The following PTPRG variants were observed in gnomAD, a reference collection of about 807,000 sequenced individuals.
PTPRG encodes the protein protein tyrosine phosphatase receptor type G.
PTPRG carries 102 observed loss-of-function variants against 165.3 expected under a neutral mutation model. The ratio of observed to expected loss-of-function variants is 0.62; its 90% CI spans 0.53 to 0.73. The LOEUF (loss-of-function observed/expected upper bound fraction) is 0.73, where lower values mean the gene tolerates loss of function less well. Among genes scored for constraint, PTPRG ranks in the 30% least tolerant of loss-of-function variants. PTPRG has a pLI of 0.00. For missense variants in PTPRG, 1,866 were observed against 1,861.4 expected (o/e 1.00, Z -0.05); for synonymous variants, 675 against 669.5 (o/e 1.01, Z -0.13).
intron 6 of PTPRG, among the ~76,000 whole-genome samples, chr3:62,143,554 CTTTTTT>C (rs372744091): frequency 7.2e-6 from 1 of 138,886 alleles, no homozygotes; most frequent in Non-Finnish European, 1.6e-5. Flanking sequence ...CATGAAGAAT[CTTTTTT>C]TTTTTTTTTT....
intron 4 of PTPRG, among the ~76,000 whole-genome samples, chr3:62,033,085 G>T (rs1338529557): frequency 1.3e-5 from 2 of 152,094 alleles, no homozygotes; most frequent in African/African-American, 4.8e-5. Flanking sequence ...ATATGTGTGT[G>T]ACCCGGCTCC....
chr3:61,952,498 A>G (rs966177754), intron 2 of PTPRG, among the ~76,000 whole-genome samples: 8 of 152,342 alleles, frequency 5.3e-5, no homozygotes, highest in Admixed American at 1.3e-4. Context: ...AGGCAACTTC[A>G]TAATGGCTAA....
chr3:61,834,433 T>C (rs932213693), intron 2 of PTPRG, among the ~76,000 whole-genome samples: 1 of 152,198 alleles, frequency 6.6e-6, no homozygotes, highest in African/African-American at 2.4e-5. Flanking sequence ...CAGTGGCATG[T>C]ACCTGTAGTC....
At chr3:61,722,413 C>A (rs1381520775) in intron 1 of PTPRG, among the ~76,000 whole-genome samples, 1 of 152,110 alleles carries the variant, frequency 6.6e-6, no homozygotes, top group South Asian at 2.1e-4. Flanking sequence ...GGGATACATT[C>A]AAATTATAGC....
At chr3:61,956,882 C>G (rs547969784) in intron 2 of PTPRG, among the ~76,000 whole-genome samples, 44 of 152,250 alleles carry the variant, frequency 2.9e-4, no homozygotes, top group African/African-American at 9.9e-4. Flanking sequence ...TTTTTCACTC[C>G]TTTAAAACAT....
intron 1 of PTPRG, among the ~76,000 whole-genome samples, chr3:61,688,866 C>T (rs2106644815): frequency 6.6e-6 from 1 of 152,318 alleles, no homozygotes. Context: ...GGCGGCTTGA[C>T]CTTGGCTGAC....
chr3:61,932,411 G>A (rs1422807796), intron 2 of PTPRG, among the ~76,000 whole-genome samples: 1 of 152,208 alleles, frequency 6.6e-6, no homozygotes, highest in Non-Finnish European at 1.5e-5. Context: ...CTTAGCCAGG[G>A]GGAACATGTA....
In PTPRG at chr3:62,237,913, T is replaced by C. The variant is rs1220101659; in HGVS notation, c.2376-5894T>C. Among the ~76,000 whole-genome samples, 1 of 152,212 alleles carries C rather than the reference T, an allele frequency of 6.6e-6. No individual in the cohort carries two copies. Among genetic ancestry groups the C allele is most frequent in the Non-Finnish European group, 1.5e-5 (1 of 68,032 alleles). On this transcript the variant is annotated intron_variant, in intron 14 of 29. Transcript: ENST00000474889. The surrounding 1 kb of genome is among the most constrained non-coding windows in gnomAD (Gnocchi z 4.5). ...CTTTCTTAGAAATCTTTTGAAGATA[T>C]ATGAGCCCGTGTTTGGTTTTCTAAA... is the stretch of plus-strand genomic sequence containing the variant.
chr3:62,192,789 T>C (rs1699870112), intron 9 of PTPRG, among the ~76,000 whole-genome samples: 1 of 152,114 alleles, frequency 6.6e-6, no homozygotes, highest in Non-Finnish European at 1.5e-5. Flanking sequence ...TTATTGTTAA[T>C]CAAAGGAAGG....
chr3:61,964,573 G>C (rs1575829304), intron 2 of PTPRG, among the ~76,000 whole-genome samples: 3 of 152,148 alleles, frequency 2.0e-5, no homozygotes, highest in Admixed American at 2.0e-4. Context: ...CCCTTCACTA[G>C]AAGGGAAAGT....
chr3:62,019,799 A>G (rs2041643220), intron 4 of PTPRG, among the ~76,000 whole-genome samples: 1 of 152,228 alleles, frequency 6.6e-6, no homozygotes, highest in African/African-American at 2.4e-5. Flanking sequence ...ATTAAAAACA[A>G]AAACTCTTAC....
Position 62,078,236 on chromosome 3 carries a change from G to C in PTPRG, c.593G>C (p.Gly198Ala). ...QTAISENRII[G>A]AMAIFFQVSP... ...GCAATTTCTGAGAACAGAATAATCGGAGCCATGGCCATATTTTTTCAAGTA... is the reference window on the plus strand; with the variant it reads ...GCAATTTCTGAGAACAGAATAATCGCAGCCATGGCCATATTTTTTCAAGTA... The change falls in exon 5 of 30, where the codon GGA (glycine) becomes GCA (alanine). Residue 198 changes from glycine (G) to alanine (A), a missense_variant. This residue lies in a region of PTPRG where 408 missense variants were observed against 376.2 expected (regional missense o/e 1.08). Transcript: ENST00000474889. 6.2e-7 allele frequency: 1 copy of C among 1,603,814 alleles called. No homozygotes were observed. The highest frequency in any genetic ancestry group is 8.5e-7 in the Non-Finnish European group (1 of 1,174,608).
Position 62,003,493 on chromosome 3 carries a change from T to C in PTPRG, c.515T>C (p.Val172Ala), listed in dbSNP as rs754169873. 1.2e-6 allele frequency: 2 copies of C among 1,613,754 alleles called. No homozygotes were observed. The highest frequency in any genetic ancestry group is 1.7e-6 in the Non-Finnish European group (2 of 1,179,840). The part of the protein sequence containing the change: ...EHSINGRRFP[V>A]EMQIFFYNPD... Reference sequence around the variant, plus strand: ...AGCATCAATGGCAGGAGGTTTCCTGTTGAGGTGAGAGAAAGTCAAGATCTC... The same window carrying C: ...AGCATCAATGGCAGGAGGTTTCCTGCTGAGGTGAGAGAAAGTCAAGATCTC... The change falls in exon 4 of 30, where the codon GTT becomes GCT. Residue 172 changes from valine (V) to alanine (A), a missense_variant. Val to Ala is a moderately conservative substitution (Grantham distance 64). Coordinates refer to ENST00000474889, the MANE Select transcript of PTPRG (RefSeq NM_002841.4).
At chr3:62,050,028 A>C (rs1195108407) in intron 4 of PTPRG, among the ~76,000 whole-genome samples, 2 of 152,250 alleles carry the variant, frequency 1.3e-5, no homozygotes, top group African/African-American at 4.8e-5. Flanking sequence ...TGAATATTTT[A>C]GTGGATGTTA....
intron 2 of PTPRG, among the ~76,000 whole-genome samples, chr3:61,903,751 ATC>A (rs778846745): frequency 6.6e-6 from 1 of 152,212 alleles, no homozygotes; most frequent in Non-Finnish European, 1.5e-5. Flanking sequence ...ATTAATGCAA[ATC>A]AGCATGTCAC....
At chr3:61,887,141 TATATATATATATATATA>T (rs2038065560) in intron 2 of PTPRG, among the ~76,000 whole-genome samples, 1 of 54,710 alleles carries the variant, frequency 1.8e-5, no homozygotes, top group African/African-American at 3.9e-5. Context: ...TATATATATA[TATATATATATATATATA>T]TATATATATA....
intron 5 of PTPRG, among the ~76,000 whole-genome samples, chr3:62,104,512 G>A (rs1046823911): frequency 6.6e-6 from 1 of 152,126 alleles, no homozygotes; most frequent in African/African-American, 2.4e-5. Flanking sequence ...TTATTTATTT[G>A]CTCATTCAGT....
chr3:62,093,228 A>G (rs1702001297), intron 5 of PTPRG, among the ~76,000 whole-genome samples: 1 of 152,188 alleles, frequency 6.6e-6, no homozygotes, highest in African/African-American at 2.4e-5. Flanking sequence ...GGCTCCTATC[A>G]GGCTAGCTTG....
At chr3:62,032,054 T>G (rs900599121) in intron 4 of PTPRG, among the ~76,000 whole-genome samples, 2 of 152,216 alleles carry the variant, frequency 1.3e-5, no homozygotes, top group Admixed American at 1.3e-4. Context: ...GCCTTAGGGC[T>G]AATGAGAATT....
Sources: gnomAD v4.1 joint callset for allele counts (sites outside exome capture counted in the v4.1 genomes callset) on GRCh38, gnomAD v4.1.1 for gene constraint, gnomAD v4.1.1 regional missense constraint, Gnocchi (gnomAD v3.1) non-coding constraint, MANE v1.5 for transcripts, NCBI Gene and HGNC (gene_info 2026-07-23, HGNC 2026-07-21) for gene names.